The following TOM1L2 variants were observed in gnomAD, a reference collection of about 807,000 sequenced individuals.
TOM1L2 encodes TOM1-like protein 2.
In TOM1L2, 31 loss-of-function variants were observed where a neutral mutation model predicts 67.9. The observed-to-expected ratio is 0.46, with a 90% CI of 0.34 to 0.62. The LOEUF (loss-of-function observed/expected upper bound fraction) is 0.62. Among genes scored for constraint, TOM1L2 ranks in the 20% least tolerant of loss-of-function variants. The probability of loss-of-function intolerance (pLI) is 0.01; values close to 1 mark genes in which losing one functional copy is unlikely to be tolerated. For missense variants in TOM1L2, 606 were observed against 663.5 expected, an observed-to-expected ratio of 0.91 and a Z score of 0.95; for synonymous variants, 256 against 254.0, an observed-to-expected ratio of 1.01 and a Z score of -0.07.
intron 7 of TOM1L2, among the ~76,000 whole-genome samples, chr17:17,874,258 C>CTTATTTAT (rs879740241): frequency 6.6e-6 from 1 of 150,484 alleles, no homozygotes. Context: ...CCAGCCATTA[C>CTTATTTAT]TTATTTATTT....
chr17:17,871,690 A>T (rs1043548442), intron 7 of TOM1L2, among the ~76,000 whole-genome samples: 6 of 152,084 alleles, frequency 3.9e-5, no homozygotes, highest in African/African-American at 1.2e-4. Flanking sequence ...AAAATAAAAT[A>T]TAAAGTATTC....
intron 13 of TOM1L2, 97 bp downstream of exon 13, chr17:17,850,796 G>C (rs867612424): frequency 7.6e-7 from 1 of 1,321,496 alleles, no homozygotes; most frequent in Middle Eastern, 1.9e-4. Context: ...GACCCAGACA[G>C]GGGTGGAGCC....
chr17:17,866,481 G>A, intron 9 of TOM1L2, 62 bp from the exon 10 acceptor site: 1 of 1,504,136 alleles, frequency 6.6e-7, no homozygotes, highest in Non-Finnish European at 8.9e-7. Flanking sequence ...TGAGGTAGAA[G>A]CTGGCAAGGC....
rs987863849 is a variant in TOM1L2, at chr17:17,879,784, C to T, written c.661-41G>A. 6 of 1,498,858 alleles carry T rather than the reference C, an allele frequency of 4.0e-6. No homozygotes were observed. In the African/African-American group the frequency reaches 6.9e-5, roughly 17 times the overall value. 92.8% of individuals were successfully genotyped at this position (1,498,858 alleles called of 1,614,324 possible). A position where few individuals can be genotyped will look rare whatever the true frequency, so the allele number is the denominator to read the frequency against. ...AGGAAGGAAAGCAGGAAGGAAAGGT[C>T]AGTCAGCCTGCACTTGCAATATCAG... On this transcript the variant is annotated intron_variant, in intron 6 of 14. Coordinates refer to ENST00000379504, the MANE Select transcript of TOM1L2 (RefSeq NM_001082968.2).
chr17:17,852,983 C>T (rs1056785893), intron 12 of TOM1L2, among the ~76,000 whole-genome samples: 10 of 151,524 alleles, frequency 6.6e-5, no homozygotes, highest in Admixed American at 5.3e-4. Flanking sequence ...GGGGGATGGA[C>T]GCACAAATGA....
chr17:17,868,741 GGTTT>G (rs1278463730), intron 8 of TOM1L2, among the ~76,000 whole-genome samples: 2 of 152,176 alleles, frequency 1.3e-5, no homozygotes, highest in African/African-American at 2.4e-5. Flanking sequence ...AGAATTTGCA[GGTTT>G]GTTACCTCAA....
intron 1 of TOM1L2, among the ~76,000 whole-genome samples, chr17:17,941,753 G>A (rs2040742937): frequency 6.6e-6 from 1 of 152,182 alleles, no homozygotes; most frequent in African/African-American, 2.4e-5. Flanking sequence ...CATAAGCCCT[G>A]TCCATGCCTC....
At chr17:17,900,561 T>C (rs573836349) in intron 2 of TOM1L2, among the ~76,000 whole-genome samples, 3 of 148,476 alleles carry the variant, frequency 2.0e-5, no homozygotes, top group Non-Finnish European at 4.5e-5. Flanking sequence ...AGAAAAAAAG[T>C]TTAAGGAGCA....
chr17:17,901,712 G>C (rs191587909), intron 2 of TOM1L2, among the ~76,000 whole-genome samples: 1 of 152,226 alleles, frequency 6.6e-6, no homozygotes, highest in Non-Finnish European at 1.5e-5. Flanking sequence ...CTCCAGCTTA[G>C]AAGATAGAAC....
intron 1 of TOM1L2, among the ~76,000 whole-genome samples, chr17:17,931,932 C>A (rs1472993908): frequency 6.6e-6 from 1 of 152,190 alleles, no homozygotes; most frequent in Non-Finnish European, 1.5e-5. Flanking sequence ...GGCCACCTTA[C>A]CCAAAGATCT....
intron 9 of TOM1L2, 144 bp downstream of exon 9, chr17:17,866,732 A>G: frequency 1.1e-6 from 1 of 891,356 alleles, no homozygotes; most frequent in Non-Finnish European, 1.8e-6. Context: ...GCTCTGCCCT[A>G]GTATCCCATC....
chr17:17,870,834 A>T (rs2037112868), intron 7 of TOM1L2, among the ~76,000 whole-genome samples: 2 of 152,222 alleles, frequency 1.3e-5, no homozygotes, highest in Non-Finnish European at 1.5e-5. Context: ...GAAAAAGCCC[A>T]GTAATCATCT....
intron 10 of TOM1L2, among the ~76,000 whole-genome samples, chr17:17,866,020 G>A (rs1245024240): frequency 1.3e-5 from 2 of 152,106 alleles, no homozygotes; most frequent in African/African-American, 4.8e-5. Flanking sequence ...GGGATTACGG[G>A]CGTGAGCCAC....
chr17:17,891,904 C>T (rs2038305958), intron 4 of TOM1L2, among the ~76,000 whole-genome samples: 1 of 151,850 alleles, frequency 6.6e-6, no homozygotes, highest in Non-Finnish European at 1.5e-5. Context: ...GGGAAGGCCT[C>T]CCAGAGTTCC....
chr17:17,896,873 G>A (rs555019561), intron 3 of TOM1L2, among the ~76,000 whole-genome samples: 2 of 152,296 alleles, frequency 1.3e-5, no homozygotes, highest in Admixed American at 1.3e-4. Context: ...GAAACAGGAG[G>A]ACTGAAAGTG....
chr17:17,889,978 CT>C (rs1159203366), intron 4 of TOM1L2, among the ~76,000 whole-genome samples: 4 of 152,148 alleles, frequency 2.6e-5, no homozygotes, highest in African/African-American at 9.7e-5. Flanking sequence ...GATATGAGAG[CT>C]GCTACCAACT....
chr17:17,882,746 C>A lies in TOM1L2; in HGVS notation c.619G>T (p.Ala207Ser), dbSNP rs756419453. Residue 207 changes from alanine to serine, a missense_variant, in exon 6 of 15, where the codon GCT becomes TCT. Physicochemically the swap from Ala to Ser is moderately conservative, Grantham distance 99 (BLOSUM62 1). Around this residue, in one of 2 missense-constraint regions of TOM1L2, gnomAD observed 543 missense variants for 554.0 expected, o/e 0.98. Coordinates refer to ENST00000379504, the MANE Select transcript of TOM1L2 (RefSeq NM_001082968.2). ...PAPYSAPQAPALSVTGPITAN... is the reference protein window; with the variant it reads ...PAPYSAPQAPSLSVTGPITAN... Reference sequence around the variant, plus strand: ...GTGATGGGGCCAGTCACACTCAGAGCTGGGGCCTGCGGTGCGGAGTAGGGA... The same window carrying A: ...GTGATGGGGCCAGTCACACTCAGAGATGGGGCCTGCGGTGCGGAGTAGGGA... The A allele has an allele frequency of 6.2e-7, 1 of 1,614,096 alleles. No homozygotes were observed. Among genetic ancestry groups the A allele is most frequent in the African/African-American group, 1.3e-5 (1 of 74,932 alleles).
At chr17:17,961,123 AACAG>A (rs1485480546) in intron 1 of TOM1L2, among the ~76,000 whole-genome samples, 1 of 152,224 alleles carries the variant, frequency 6.6e-6, no homozygotes, top group Non-Finnish European at 1.5e-5. Flanking sequence ...ACAGGACTTG[AACAG>A]ACATTTCTCC....
intron 1 of TOM1L2, among the ~76,000 whole-genome samples, chr17:17,949,916 G>A (rs1031556633): frequency 6.6e-6 from 1 of 151,854 alleles, no homozygotes; most frequent in Non-Finnish European, 1.5e-5. Context: ...TGTCACCCAG[G>A]CTAGAGTGCA....
Sources: gnomAD v4.1 joint callset for allele counts (sites outside exome capture counted in the v4.1 genomes callset) on GRCh38, gnomAD v4.1.1 for gene constraint, gnomAD v4.1.1 regional missense constraint, MANE v1.5 for transcripts, NCBI Gene and HGNC (gene_info 2026-07-23, HGNC 2026-07-21) for gene names.